Variants in EPRS1 observed in about 807,000 individuals in gnomAD.
The protein encoded by EPRS1 is bifunctional glutamate/proline--tRNA ligase.
A neutral mutation model predicts 188.3 loss-of-function variants in EPRS1; 107 were observed. The ratio of observed to expected loss-of-function variants is 0.57; its 90% CI spans 0.49 to 0.67. EPRS1 has a LOEUF of 0.67. EPRS1 is among the 30% of genes least tolerant of loss of function. EPRS1 has a pLI of 0.00. For synonymous variants in EPRS1, 596 were observed against 593.1 expected (o/e 1.00, Z -0.07); for missense variants, 1,577 against 1,802.2 (o/e 0.88, Z 2.26).
chr1:220,018,655 A>G lies in EPRS1; in HGVS notation c.1435-147T>C, dbSNP rs1194570195. On this transcript the variant is annotated intron_variant, in intron 11 of 31. Transcript: ENST00000366923. ...TCTAGTGAAATATAAAACTCAGTGT[A>G]TACAAACTAATTTGGTTACCCTTAA... 25 of 649,022 alleles carry G rather than the reference A, an allele frequency of 3.9e-5. No homozygotes were observed. The East Asian group carries it at 6.5e-4, about 17-fold the overall frequency. The allele number at this position is 649,022 out of a possible 1,614,324, so 40.2% of individuals were successfully genotyped here.
In EPRS1 at chr1:219,968,789, G is replaced by A. The variant is rs776303537; in HGVS notation, c.*17C>T. On this transcript the variant is annotated 3_prime_UTR_variant, in exon 32 of 32. Coordinates refer to ENST00000366923, the MANE Select transcript of EPRS1 (RefSeq NM_004446.3). The stretch of plus-strand genomic sequence containing the variant: ...TAAAAAGTGAGAGGAGTTGAAGAGG[G>A]GGCTTTCGTTCATCCCTCAGTAGCT... The A allele has an allele frequency of 6.2e-7, 1 of 1,613,110 alleles. No individual in the cohort carries two copies.
At chr1:220,042,799 T>C (rs986350317) in intron 1 of EPRS1, among the ~76,000 whole-genome samples, 1 of 151,900 alleles carries the variant, frequency 6.6e-6, no homozygotes, top group African/African-American at 2.4e-5. Flanking sequence ...CATGCGCCTA[T>C]AGTCCCAGCT....
At chr1:220,013,074 T>C (rs780088398) in intron 12 of EPRS1, among the ~76,000 whole-genome samples, 7 of 152,160 alleles carry the variant, frequency 4.6e-5, no homozygotes, top group Non-Finnish European at 8.8e-5. Flanking sequence ...ACTAAAGCAG[T>C]CAATAAGGGT....
chr1:220,034,516 G>T (rs186385949), intron 3 of EPRS1, among the ~76,000 whole-genome samples: 121 of 152,250 alleles, frequency 7.9e-4, no homozygotes, highest in African/African-American at 2.8e-3. Context: ...CACTTAGAAA[G>T]AAAAGAAAAT....
Position 219,997,237 on chromosome 1 carries a change from C to T in EPRS1, c.2287G>A (p.Val763Met). 5.0e-6 allele frequency: 8 copies of T among 1,614,074 alleles called. No individual in the cohort carries two copies. Among genetic ancestry groups the T allele is most frequent in the Non-Finnish European group, 6.8e-6 (8 of 1,179,982 alleles). Reference protein sequence around the residue: ...LYNRVAVQGDVVRELKAKKAP... With the variant: ...LYNRVAVQGDMVRELKAKKAP... ...TTCTTGGCTTTTAATTCACGAACCACATCTCCTTGAACAGCCACTCTATTG... is the reference window on the plus strand; with the variant it reads ...TTCTTGGCTTTTAATTCACGAACCATATCTCCTTGAACAGCCACTCTATTG... Residue 763 changes from valine (V) to methionine (M), a missense_variant, in exon 18 of 32, where the codon GTG becomes ATG. By Grantham distance (21) the Val-to-Met change is conservative. Coordinates refer to ENST00000366923, the MANE Select transcript of EPRS1 (RefSeq NM_004446.3).
In EPRS1 at chr1:220,040,277, T is replaced by A; in HGVS notation, c.47-8A>T. On this transcript the variant is annotated splice_region_variant and splice_polypyrimidine_tract_variant and intron_variant, in intron 1 of 31. Transcript: ENST00000366923. ...CTACTGCCAGCAAAGCTCCTATAAA[T>A]AATATGAAAAGATTTTTTATCTTTA... 6.4e-7 allele frequency: 1 copy of A among 1,560,264 alleles called. No homozygotes were observed. The highest frequency in any genetic ancestry group is 2.2e-5 in the East Asian group (1 of 44,646).
chr1:219,979,618 A>G lies in EPRS1; in HGVS notation c.3712-3T>C, dbSNP rs1660853774. On this transcript the variant is annotated splice_polypyrimidine_tract_variant and splice_region_variant and intron_variant, in intron 26 of 31. Transcript: ENST00000366923. The stretch of plus-strand genomic sequence containing the variant: ...CCTAAATGATGTGATGTTCCTCCCT[A>G]AAATAGAGAGAGAAAAATAAGCTTC... 1 of 1,600,494 alleles carries G rather than the reference A, an allele frequency of 6.2e-7. No homozygotes were observed. The highest frequency in any genetic ancestry group is 1.7e-5 in the Admixed American group (1 of 59,718).
intron 12 of EPRS1, among the ~76,000 whole-genome samples, 156 bp from the exon 13 acceptor site, chr1:220,011,212 A>C (rs534364305): frequency 6.6e-6 from 1 of 152,334 alleles, no homozygotes; most frequent in East Asian, 1.9e-4. Flanking sequence ...TTTACCATTA[A>C]GCAGAAAAAA....
At chr1:219,974,343 A>G (rs1318564244) in intron 28 of EPRS1, among the ~76,000 whole-genome samples, 3 of 152,210 alleles carry the variant, frequency 2.0e-5, no homozygotes, top group Admixed American at 6.5e-5. Flanking sequence ...GGTTTTTCCA[A>G]AGCAACTTAA....
At chr1:219,984,908 C>T (rs891708948) in intron 20 of EPRS1, among the ~76,000 whole-genome samples, 7 of 152,034 alleles carry the variant, frequency 4.6e-5, no homozygotes, top group East Asian at 3.9e-4. Context: ...GGCGTGGTGG[C>T]GCATGCTTGT....
intron 21 of EPRS1, among the ~76,000 whole-genome samples, 190 bp downstream of exon 21, chr1:219,984,016 T>C (rs959878115): frequency 1.3e-5 from 2 of 152,152 alleles, no homozygotes; most frequent in Non-Finnish European, 2.9e-5. Context: ...CTCATGGTAC[T>C]GCTTTTCAAT....
Position 219,980,238 on chromosome 1 carries a change from G to A in EPRS1, c.3558C>T (p.Val1186=), listed in dbSNP as rs776046358. 3.0e-5 allele frequency: 49 copies of A among 1,607,424 alleles called. No homozygotes were observed. Among genetic ancestry groups the A allele is most frequent in the Non-Finnish European group, 4.2e-5 (49 of 1,175,632 alleles). ...FATMEEAAEE[V]LQILDLYAQV... is the part of the protein sequence containing the mutation. The stretch of plus-strand genomic sequence containing the variant: ...GAGCATATAAGTCAAGTATCTGCAA[G>A]ACCTGTAACATTTTAAATGTAAATG... Residue 1186 remains valine (V), a splice_region_variant and synonymous_variant, in exon 26 of 32, where the codon GTC becomes GTT. Coordinates refer to ENST00000366923, the MANE Select transcript of EPRS1 (RefSeq NM_004446.3).
At chr1:220,042,694 G>A (rs1662319427) in intron 1 of EPRS1, among the ~76,000 whole-genome samples, 1 of 151,924 alleles carries the variant, frequency 6.6e-6, no homozygotes, top group Non-Finnish European at 1.5e-5. Flanking sequence ...GGCTGAGGGG[G>A]GCGGATCATG....
At chr1:220,040,976 A>G (rs952012497) in intron 1 of EPRS1, among the ~76,000 whole-genome samples, 2 of 152,016 alleles carry the variant, frequency 1.3e-5, no homozygotes, top group African/African-American at 4.8e-5. Context: ...AGTGACTATT[A>G]TATCTTAGTC....
At chr1:219,995,751 G>A (rs145886773) in intron 18 of EPRS1, among the ~76,000 whole-genome samples, 24 of 152,250 alleles carry the variant, frequency 1.6e-4, no homozygotes, top group African/African-American at 5.5e-4. Flanking sequence ...AACTCCTGGG[G>A]CAAGACCTCA....
At position 220,034,895 on chromosome 1, in the gene EPRS1, C is replaced by T. The variant is rs1480523186; in HGVS notation, c.231+19G>A. The T allele has an allele frequency of 7.2e-7, 1 of 1,383,348 alleles. No individual in the cohort carries two copies. The highest frequency in any genetic ancestry group is 1.0e-6 in the Non-Finnish European group (1 of 969,582). The allele number at this position is 1,383,348 out of a possible 1,614,324, so 85.7% of individuals were successfully genotyped here. A position where few individuals can be genotyped will look rare whatever the true frequency, so the allele number is the denominator to read the frequency against. ...GAAGCATAAGACAAAACACACACAA[C>T]AAAATGTTCATTGCTTACCTCAGTA... On this transcript the variant is annotated intron_variant, in intron 3 of 31. Transcript: ENST00000366923.
At chr1:219,969,654 A>G (rs1298237044) in intron 30 of EPRS1, among the ~76,000 whole-genome samples, 1 of 42,172 alleles carries the variant, frequency 2.4e-5, no homozygotes, top group Non-Finnish European at 5.4e-5. Flanking sequence ...TTGTGTAAGG[A>G]AAAAAAAAAA....
chr1:219,996,755 T>C (rs1249465997), intron 18 of EPRS1, among the ~76,000 whole-genome samples: 1 of 152,188 alleles, frequency 6.6e-6, no homozygotes, highest in East Asian at 1.9e-4. Flanking sequence ...TCACATCACA[T>C]AAGAGTACAC....
chr1:220,023,611 G>C (rs1661916668), intron 8 of EPRS1, among the ~76,000 whole-genome samples: 1 of 152,120 alleles, frequency 6.6e-6, no homozygotes, highest in African/African-American at 2.4e-5. Context: ...AGGAAGACTT[G>C]GGTGACAACA....
Sources: allele counts gnomAD v4.1 joint callset (sites outside exome capture counted in the v4.1 genomes callset), GRCh38; gene constraint gnomAD v4.1.1; transcripts MANE v1.5; gene names NCBI Gene and HGNC (gene_info 2026-07-23, HGNC 2026-07-21).